Variants in NRG1 observed in about 807,000 individuals in gnomAD.
NRG1 encodes the protein neuregulin 1.
In NRG1, 18 loss-of-function variants were observed where a neutral mutation model predicts 63.8. The ratio of observed to expected loss-of-function variants is 0.28; its 90% CI spans 0.19 to 0.42. The LOEUF (loss-of-function observed/expected upper bound fraction) is 0.42. NRG1 is among the 10% of genes least tolerant of loss of function. The probability of loss-of-function intolerance (pLI) is 1.00; values close to 1 mark genes in which losing one functional copy is unlikely to be tolerated. For synonymous variants in NRG1, 302 were observed against 301.3 expected (o/e 1.00, Z -0.02); for missense variants, 762 against 814.7 (o/e 0.94, Z 0.79).
At chr8:32,054,859 C>CTTTTTTTT (rs1425879994) in intron 1 of NRG1, among the ~76,000 whole-genome samples, 2 of 70,662 alleles carry the variant, frequency 2.8e-5, no homozygotes, top group African/African-American at 1.1e-4. Context: ...AGATTTCTTT[C>CTTTTTTTT]TTTCTTTTTT....
At chr8:32,270,926 C>G (rs959001052) in intron 1 of NRG1, among the ~76,000 whole-genome samples, 2 of 152,168 alleles carry the variant, frequency 1.3e-5, no homozygotes, top group Admixed American at 1.3e-4. Flanking sequence ...TTCTAATCCT[C>G]ACCAATGGTT....
intron 1 of NRG1, among the ~76,000 whole-genome samples, chr8:31,851,184 A>G (rs1827177641): frequency 6.6e-6 from 1 of 152,188 alleles, no homozygotes; most frequent in Admixed American, 6.5e-5. Context: ...GGGAAAGCCA[A>G]ATCCTTCAAT....
intron 1 of NRG1, among the ~76,000 whole-genome samples, chr8:32,161,498 T>C (rs1318408395): frequency 1.2e-4 from 18 of 152,108 alleles, no homozygotes; most frequent in Admixed American, 1.2e-3. Context: ...ATTGTGTCTA[T>C]ATTATAAAAG....
chr8:32,245,074 C>A (rs1328608564), intron 1 of NRG1, among the ~76,000 whole-genome samples: 1 of 152,102 alleles, frequency 6.6e-6, no homozygotes, highest in Non-Finnish European at 1.5e-5. Context: ...GAGCTTTTCA[C>A]CAGAATTTGT....
At chr8:32,181,239 TC>T (rs1240211501) in intron 1 of NRG1, among the ~76,000 whole-genome samples, 1 of 152,188 alleles carries the variant, frequency 6.6e-6, no homozygotes, top group African/African-American at 2.4e-5. Context: ...TAGTTATTAG[TC>T]CTTTGTGCTT....
chr8:31,940,526 G>A lies in NRG1; in HGVS notation c.37+301095G>A, dbSNP rs147469671. Among the ~76,000 whole-genome samples, 940 of 151,680 alleles carry A rather than the reference G, an allele frequency of 6.2e-3. 11 individuals carry two copies. The highest frequency in any genetic ancestry group is 0.022 in the African/African-American group (895 of 41,420). Reference sequence around the variant, plus strand: ...AAAAGAACAAACCAAACTGAAACCCGGCAGAAGAAAAGAAATAACGAGGAT... The same window carrying A: ...AAAAGAACAAACCAAACTGAAACCCAGCAGAAGAAAAGAAATAACGAGGAT... On this transcript the variant is annotated intron_variant, in intron 1 of 10. Coordinates refer to the NRG1 transcript ENST00000519301.
At chr8:32,460,012 G>A (rs1053670379) in intron 1 of NRG1, among the ~76,000 whole-genome samples, 3 of 152,186 alleles carry the variant, frequency 2.0e-5, no homozygotes, top group African/African-American at 4.8e-5. Context: ...ACTTACCACT[G>A]CCTGATATTT....
chr8:31,660,186 A>G (rs1805841780), intron 1 of NRG1, among the ~76,000 whole-genome samples: 1 of 152,212 alleles, frequency 6.6e-6, no homozygotes, highest in Admixed American at 6.5e-5. Context: ...TCCGTAATTC[A>G]GTATACTTGT....
At chr8:32,314,414 A>T (rs1027774203) in intron 1 of NRG1, among the ~76,000 whole-genome samples, 2 of 149,078 alleles carry the variant, frequency 1.3e-5, no homozygotes, top group African/African-American at 5.0e-5. Context: ...ATTCTGTTCC[A>T]GATAACCGAG....
chr8:32,221,796 T>TA (rs1759830071), intron 1 of NRG1, among the ~76,000 whole-genome samples: 1 of 117,258 alleles, frequency 8.5e-6, no homozygotes, highest in African/African-American at 7.5e-5. Context: ...AAAAAAGTTG[T>TA]ATTTTTTTTA....
intron 1 of NRG1, among the ~76,000 whole-genome samples, chr8:32,163,863 T>C (rs1006378037): frequency 6.6e-6 from 1 of 152,194 alleles, no homozygotes; most frequent in Non-Finnish European, 1.5e-5. Flanking sequence ...AGTCTTTGGT[T>C]AAATTGCAGG....
At chr8:31,963,959 G>A (rs547086570) in intron 1 of NRG1, among the ~76,000 whole-genome samples, 6 of 152,166 alleles carry the variant, frequency 3.9e-5, no homozygotes, top group Non-Finnish European at 8.8e-5. Context: ...GGTAGAAAAT[G>A]TATTGGAGGA....
At chr8:32,070,667 G>A (rs1373789663) in intron 1 of NRG1, among the ~76,000 whole-genome samples, 1 of 152,082 alleles carries the variant, frequency 6.6e-6, no homozygotes, top group Non-Finnish European at 1.5e-5. Flanking sequence ...GTTCCCATCT[G>A]TATCACCCTA....
intron 1 of NRG1, among the ~76,000 whole-genome samples, chr8:32,147,164 A>C (rs1836957640): frequency 6.6e-6 from 1 of 152,136 alleles, no homozygotes; most frequent in African/African-American, 2.4e-5. Context: ...TATAAGCTTA[A>C]GTTGGGGTAG....
chr8:31,968,154 T>G (rs878886534), intron 1 of NRG1, among the ~76,000 whole-genome samples: 1 of 151,910 alleles, frequency 6.6e-6, no homozygotes, highest in South Asian at 2.1e-4. Flanking sequence ...AAAAAAGAAA[T>G]GAATAAAGAA....
At chr8:31,795,543 CAAA>C (rs1367789840) in intron 1 of NRG1, among the ~76,000 whole-genome samples, 65 of 147,090 alleles carry the variant, frequency 4.4e-4, no homozygotes, top group African/African-American at 1.7e-3. Context: ...CCCCGCAAAA[CAAA>C]CCTTCAAACA....
chr8:32,118,699 AGATT>A (rs1263557917), intron 1 of NRG1, among the ~76,000 whole-genome samples: 1 of 152,102 alleles, frequency 6.6e-6, no homozygotes, highest in Non-Finnish European at 1.5e-5. Context: ...GCTTTAAATA[AGATT>A]GATTATTTCT....
intron 1 of NRG1, among the ~76,000 whole-genome samples, chr8:32,521,339 C>A (rs1372925073): frequency 6.6e-6 from 1 of 152,040 alleles, no homozygotes; most frequent in Non-Finnish European, 1.5e-5. Context: ...TTATATTCTG[C>A]CTTTTTAGTG....
intron 1 of NRG1, among the ~76,000 whole-genome samples, chr8:32,371,514 G>C (rs529093864): frequency 1.1e-4 from 16 of 152,068 alleles, no homozygotes; most frequent in African/African-American, 3.6e-4. Flanking sequence ...TTATAGCCAC[G>C]TTAAAAAAAC....
Sources: gnomAD v4.1 joint callset for allele counts (sites outside exome capture counted in the v4.1 genomes callset) on GRCh38, gnomAD v4.1.1 for gene constraint, MANE v1.5 for transcripts, NCBI Gene and HGNC (gene_info 2026-07-23, HGNC 2026-07-21) for gene names.